Variants in CACNA1C observed in about 807,000 individuals in gnomAD.
CACNA1C encodes the protein voltage-dependent L-type calcium channel subunit alpha-1C.
A neutral mutation model predicts 229.0 loss-of-function variants in CACNA1C; 30 were observed. That is an observed-to-expected ratio of 0.13 (90% confidence interval 0.10 to 0.18). CACNA1C has a LOEUF of 0.18. Among genes scored for constraint, CACNA1C ranks in the 10% least tolerant of loss-of-function variants. CACNA1C has a pLI of 1.00. For missense variants in CACNA1C, 1,658 were observed against 2,845.0 expected, an observed-to-expected ratio of 0.58 and a Z score of 9.49; for synonymous variants, 1,114 against 1,132.5, an observed-to-expected ratio of 0.98 and a Z score of 0.33.
chr12:2,109,671 ACTTTGG>A (rs2080849586), intron 1 of CACNA1C, among the ~76,000 whole-genome samples: 1 of 152,158 alleles, frequency 6.6e-6, no homozygotes, highest in South Asian at 2.1e-4. Context: ...TTAAAAGGTG[ACTTTGG>A]CTGCTGCATG....
rs1199268470 is a variant in CACNA1C at position 2,418,846 on chromosome 12, AC to A, written c.478-30125del. 2.0e-5 allele frequency among the ~76,000 whole-genome samples: 3 copies of A among 151,776 alleles called. No individual in the cohort carries two copies. In the East Asian group the frequency reaches 5.8e-4, roughly 29 times the overall value. ...GCTGACCCCCAGTGGGAGCATGCTG[AC>A]CCCCAGCTCCACTGCTTGTAGAGGG... On this transcript the variant is annotated intron_variant, in intron 3 of 46. Transcript: ENST00000399655.
chr12:2,542,917 C>T (rs866231585), intron 9 of CACNA1C, among the ~76,000 whole-genome samples: 1 of 152,116 alleles, frequency 6.6e-6, no homozygotes, highest in Admixed American at 6.5e-5. Context: ...TTGCTGTAGC[C>T]ATTGATGATA....
chr12:2,022,291 C>G (rs2046595912), intron 1 of CACNA1C, among the ~76,000 whole-genome samples: 1 of 152,082 alleles, frequency 6.6e-6, no homozygotes, highest in South Asian at 2.1e-4. Context: ...TTCAGGGGAA[C>G]CGGAATACTT....
At position 2,297,829 on chromosome 12, in the gene CACNA1C, G is replaced by C. The variant is rs560463044; in HGVS notation, c.478-151147G>C. Among the ~76,000 whole-genome samples, 11 of 152,148 alleles carry C rather than the reference G, an allele frequency of 7.2e-5. No homozygotes were observed. The East Asian group carries it at 2.1e-3, about 29-fold the overall frequency. Reference sequence around the variant, plus strand: ...TGAACAGTTGGATATATATAGATGTGTTGCAGCTCTCCAACCTTTACCAAA... The same window carrying C: ...TGAACAGTTGGATATATATAGATGTCTTGCAGCTCTCCAACCTTTACCAAA... On this transcript the variant is annotated intron_variant, in intron 3 of 46. Transcript: ENST00000399655.
intron 13 of CACNA1C, 112 bp from the exon 14 acceptor site, chr12:2,581,478 A>G: frequency 2.1e-6 from 2 of 967,396 alleles, no homozygotes; most frequent in Non-Finnish European, 3.0e-6. Flanking sequence ...AGGGAAAAAG[A>G]GCATAGAGTG....
Position 2,004,170 on chromosome 12 carries a change from T to C in CACNA1C, c.139+32969T>C, listed in dbSNP as rs1405279426. The C allele has an allele frequency of 1.0e-5, 15 of 1,431,196 alleles. No individual in the cohort carries two copies. The African/African-American group carries it at 2.2e-4, about 21-fold the overall frequency. 88.7% of individuals were successfully genotyped at this position (1,431,196 alleles called of 1,614,324 possible). A position where few individuals can be genotyped will look rare whatever the true frequency, so the allele number is the denominator to read the frequency against. ...GGCCTCAGTCCCCAGATCCACCCAC[T>C]TCCAGGGCGTCAACGTCTCCTCCCC... On this transcript the variant is annotated intron_variant, in intron 1 of 46. Coordinates refer to the CACNA1C transcript ENST00000682462.
rs192063612 is a variant in CACNA1C, at chr12:2,082,552, G to A, written c.49+28941G>A. On this transcript the variant is annotated intron_variant, in intron 1 of 46. Transcript: ENST00000399655. ...GAGCGATCATAGCATTTGGAGCAGG[G>A]GCCCTCTCTCCTGCCTCCTGTACAC... 3.9e-5 allele frequency among the ~76,000 whole-genome samples: 6 copies of A among 152,238 alleles called. No homozygotes were observed. The East Asian group carries it at 1.2e-3, about 29-fold the overall frequency.
At chr12:2,498,271 C>T (rs1039202176) in intron 7 of CACNA1C, among the ~76,000 whole-genome samples, 5 of 152,184 alleles carry the variant, frequency 3.3e-5, no homozygotes, top group Admixed American at 3.3e-4. Context: ...AGGGCCCTTT[C>T]TCAGGTATCG....
chr12:2,572,086 A>G (rs947347078), intron 13 of CACNA1C, among the ~76,000 whole-genome samples: 3 of 138,660 alleles, frequency 2.2e-5, no homozygotes, highest in African/African-American at 8.2e-5. Context: ...AGTAATTGCA[A>G]TTCTTAAACT....
In CACNA1C at chr12:2,605,524, G is replaced by T. The variant is rs771331908; in HGVS notation, c.3049-155G>T. On this transcript the variant is annotated intron_variant, in intron 23 of 46. Coordinates refer to ENST00000399655, the MANE Select transcript of CACNA1C (RefSeq NM_000719.7). This position sits in a 1 kb window ranked among gnomAD's most constrained non-coding sequence, Gnocchi z 6.2. ...GTGGGGGCCTTTGCATCCCATTAGGGTCCATCACTTCCCATGTGACTTTGG... is the reference window on the plus strand; with the variant it reads ...GTGGGGGCCTTTGCATCCCATTAGGTTCCATCACTTCCCATGTGACTTTGG... 2.0e-5 allele frequency among the ~76,000 whole-genome samples: 3 copies of T among 152,084 alleles called. No homozygotes were observed. The highest frequency in any genetic ancestry group is 2.9e-5 in the Non-Finnish European group (2 of 68,012).
At chr12:2,384,289 C>T (rs574672398) in intron 3 of CACNA1C, among the ~76,000 whole-genome samples, 68 of 152,336 alleles carry the variant, frequency 4.5e-4, no homozygotes, top group African/African-American at 1.5e-3. Context: ...TTTCTACTGT[C>T]TTTCCTCCAG....
At chr12:2,311,230 C>T (rs2095421336) in intron 3 of CACNA1C, among the ~76,000 whole-genome samples, 1 of 152,188 alleles carries the variant, frequency 6.6e-6, no homozygotes, top group African/African-American at 2.4e-5. Context: ...CAAATGACTT[C>T]CAGATGCTGG....
chr12:2,497,749 T>TA (rs892924933), intron 7 of CACNA1C, among the ~76,000 whole-genome samples: 2 of 152,152 alleles, frequency 1.3e-5, no homozygotes, highest in African/African-American at 4.8e-5. Flanking sequence ...AATTAGGTTA[T>TA]AAAAAATACT....
At chr12:2,191,922 GCA>G (rs758110175) in intron 3 of CACNA1C, among the ~76,000 whole-genome samples, 9 of 150,620 alleles carry the variant, frequency 6.0e-5, no homozygotes, top group Non-Finnish European at 1.3e-4. Context: ...TCTCACACAG[GCA>G]CACACCTACA....
intron 1 of CACNA1C, among the ~76,000 whole-genome samples, chr12:2,111,306 G>A (rs376818482): frequency 6.6e-6 from 1 of 152,220 alleles, no homozygotes; most frequent in African/African-American, 2.4e-5. Flanking sequence ...GGTTTTCAGA[G>A]CTGCCCCAGG....
rs151318353 is a variant in CACNA1C, at chr12:2,136,833, C to T, written c.477+16403C>T. On this transcript the variant is annotated intron_variant, in intron 3 of 46. Coordinates refer to ENST00000399655, the MANE Select transcript of CACNA1C (RefSeq NM_000719.7). ...TGAGATCCTCAACCAAACAGGCCCC[C>T]GGGCCTCTTCCTAAATAGATGAGAA... Among the ~76,000 whole-genome samples the T allele has an allele frequency of 1.1e-4, 16 of 151,646 alleles. No individual in the cohort carries two copies. In the East Asian group the frequency reaches 2.5e-3, roughly 24 times the overall value.
Position 2,584,540 on chromosome 12 carries a change from C to T in CACNA1C, c.2262C>T (p.Asp754=). Residue 754 remains aspartate (D), a synonymous_variant, in exon 16 of 47, where the codon GAC becomes GAT. Coordinates refer to ENST00000399655, the MANE Select transcript of CACNA1C (RefSeq NM_000719.7). ...ATGTGTTCTTGGCCATTGCTGTGGA[C>T]AACCTGGCTGATGCTGAGAGCCTCA... ...LLNVFLAIAV[D]NLADAESLTS... The T allele has an allele frequency of 1.9e-6, 3 of 1,613,844 alleles. No individual in the cohort carries two copies. The highest frequency in any genetic ancestry group is 1.3e-5 in the African/African-American group (1 of 75,026).
In CACNA1C at chr12:2,679,267, G is replaced by A. The variant is rs1041511914; in HGVS notation, c.5092-177G>A. On this transcript the variant is annotated intron_variant, in intron 41 of 46. Coordinates refer to ENST00000399655, the MANE Select transcript of CACNA1C (RefSeq NM_000719.7). The surrounding 1 kb of genome is among the most constrained non-coding windows in gnomAD (Gnocchi z 5.5). ...TCCGGGTCCCTCCCTCTCTGGAGCA[G>A]CCAGGCATGAAGAAGGTCCTCAGGT... Among the ~76,000 whole-genome samples the A allele has an allele frequency of 5.9e-5, 9 of 152,214 alleles. No individual in the cohort carries two copies. Among genetic ancestry groups the A allele is most frequent in the Admixed American group, 1.3e-4 (2 of 15,292 alleles).
At chr12:2,616,567 G>A (rs747294615) in intron 29 of CACNA1C, among the ~76,000 whole-genome samples, 1 of 152,248 alleles carries the variant, frequency 6.6e-6, no homozygotes, top group African/African-American at 2.4e-5. Context: ...GGCAGCAAGC[G>A]CAGGTGAGGT....
Sources: gnomAD v4.1 joint callset for allele counts (sites outside exome capture counted in the v4.1 genomes callset) on GRCh38, gnomAD v4.1.1 for gene constraint, Gnocchi (gnomAD v3.1) non-coding constraint, MANE v1.5 for transcripts, NCBI Gene and HGNC (gene_info 2026-07-23, HGNC 2026-07-21) for gene names.